FRMD5: variants seen among roughly 807,000 people sequenced by gnomAD.
The protein encoded by FRMD5 is FERM domain-containing protein 5.
Under a neutral mutation model 69.0 loss-of-function variants are expected in FRMD5, and 20 were observed. That is an observed-to-expected ratio of 0.29 (90% CI 0.20 to 0.42). The LOEUF is 0.42. Ranked by LOEUF, FRMD5 falls within the 10% of genes least tolerant of loss-of-function variation. The pLI, the probability that FRMD5 is intolerant of heterozygous loss-of-function variation, is 1.00. For synonymous variants in FRMD5, 271 were observed against 260.1 expected, an observed-to-expected ratio of 1.04 and a Z score of -0.40; for missense variants, 595 against 708.6, an observed-to-expected ratio of 0.84 and a Z score of 1.82.
At chr15:44,003,093 G>A (rs1890284135) in intron 1 of FRMD5, among the ~76,000 whole-genome samples, 1 of 152,150 alleles carries the variant, frequency 6.6e-6, no homozygotes, top group Non-Finnish European at 1.5e-5. Flanking sequence ...CATCCTTCTA[G>A]TTGCTCAGAT....
rs372927504 is a variant in FRMD5, at chr15:44,109,254, A to G, written c.102+85699T>C. ...TTCTTTTCATCCAGCTTTTTCTTAT[A>G]TATCTTGATCTCTCCTTTCTTTTAC... is the stretch of plus-strand genomic sequence containing the variant. On this transcript the variant is annotated intron_variant, in intron 1 of 13. Coordinates refer to ENST00000417257, the MANE Select transcript of FRMD5 (RefSeq NM_032892.5). 5.4e-4 allele frequency among the ~76,000 whole-genome samples: 82 copies of G among 152,104 alleles called. 1 individual carries two copies. Among genetic ancestry groups the G allele is most frequent in the East Asian group, 4.8e-3 (25 of 5,178 alleles).
intron 1 of FRMD5, among the ~76,000 whole-genome samples, chr15:43,927,023 T>TG (rs1394475720): frequency 2.0e-5 from 3 of 151,688 alleles, no homozygotes; most frequent in Admixed American, 2.0e-4. Context: ...AGAATTTTCT[T>TG]GAATATTCCA....
At chr15:44,115,978 T>C (rs1252392902) in intron 1 of FRMD5, among the ~76,000 whole-genome samples, 1 of 152,148 alleles carries the variant, frequency 6.6e-6, no homozygotes, top group Non-Finnish European at 1.5e-5. Context: ...TCAAAGCAAC[T>C]AATGTGAGCA....
intron 1 of FRMD5, among the ~76,000 whole-genome samples, chr15:43,982,531 G>A (rs965144254): frequency 3.3e-5 from 5 of 152,164 alleles, no homozygotes; most frequent in African/African-American, 1.2e-4. Context: ...AGTAGAGTTA[G>A]CTTATCCTTT....
At chr15:43,883,337 A>T (rs539834290) in intron 13 of FRMD5, among the ~76,000 whole-genome samples, 2 of 152,126 alleles carry the variant, frequency 1.3e-5, no homozygotes, top group African/African-American at 4.8e-5. Flanking sequence ...ACCTCAAGTG[A>T]TCCACCCATC....
intron 1 of FRMD5, among the ~76,000 whole-genome samples, chr15:44,097,908 T>G (rs1312498032): frequency 6.6e-6 from 1 of 152,084 alleles, no homozygotes; most frequent in Non-Finnish European, 1.5e-5. Context: ...ACTCAGCAAG[T>G]CTTTGTGCTC....
At chr15:44,032,902 T>C (rs1213792835) in intron 1 of FRMD5, among the ~76,000 whole-genome samples, 2 of 152,138 alleles carry the variant, frequency 1.3e-5, no homozygotes, top group Admixed American at 6.6e-5. Context: ...TAAAGACACA[T>C]GCATGTGGAT....
intron 1 of FRMD5, among the ~76,000 whole-genome samples, chr15:44,162,668 G>A (rs1320562445): frequency 1.3e-5 from 2 of 149,048 alleles, no homozygotes; most frequent in Non-Finnish European, 3.0e-5. Context: ...AGGAGTTTGA[G>A]ACCAGCCTGA....
At chr15:44,176,452 C>T (rs1041725854) in intron 1 of FRMD5, among the ~76,000 whole-genome samples, 3 of 152,038 alleles carry the variant, frequency 2.0e-5, no homozygotes, top group Non-Finnish European at 4.4e-5. Context: ...AGGTATAAAC[C>T]TTCTTGACAT....
intron 1 of FRMD5, among the ~76,000 whole-genome samples, chr15:44,030,678 C>T (rs1891640150): frequency 6.6e-6 from 1 of 151,998 alleles, no homozygotes; most frequent in Non-Finnish European, 1.5e-5. Context: ...CTCAGTGATA[C>T]CATGGATCCC....
intron 1 of FRMD5, among the ~76,000 whole-genome samples, chr15:43,945,487 T>C (rs1226138550): frequency 6.6e-6 from 1 of 152,146 alleles, no homozygotes; most frequent in African/African-American, 2.4e-5. Context: ...TTTTTTAAAA[T>C]ATGAAATTAC....
chr15:44,059,280 A>G (rs1892995444), intron 1 of FRMD5, among the ~76,000 whole-genome samples: 1 of 152,196 alleles, frequency 6.6e-6, no homozygotes, highest in Non-Finnish European at 1.5e-5. Context: ...CTCGATTTCA[A>G]AGAGCCTTTA....
At chr15:43,960,249 C>T (rs1235447068) in intron 1 of FRMD5, among the ~76,000 whole-genome samples, 1 of 150,702 alleles carries the variant, frequency 6.6e-6, no homozygotes, top group Non-Finnish European at 1.5e-5. Context: ...CCACCACACC[C>T]GGCTAATTTA....
chr15:43,932,427 T>C (rs1353300643), intron 1 of FRMD5, among the ~76,000 whole-genome samples: 5 of 152,100 alleles, frequency 3.3e-5, no homozygotes, highest in Non-Finnish European at 1.5e-5. Flanking sequence ...ATTTCAAATA[T>C]ATGTAATCAA....
intron 1 of FRMD5, among the ~76,000 whole-genome samples, chr15:44,168,271 C>T (rs1176834014): frequency 2.0e-5 from 3 of 152,168 alleles, no homozygotes; most frequent in Non-Finnish European, 4.4e-5. Context: ...ACTTCCCAAG[C>T]AAGAGGGAAT....
chr15:43,884,027 T>C (rs911587583), intron 12 of FRMD5, among the ~76,000 whole-genome samples: 3 of 152,170 alleles, frequency 2.0e-5, no homozygotes, highest in African/African-American at 7.2e-5. Context: ...CCTAGACTCA[T>C]CTGAACCTTT....
intron 1 of FRMD5, among the ~76,000 whole-genome samples, chr15:43,952,133 T>C (rs1189730107): frequency 6.6e-6 from 1 of 151,898 alleles, no homozygotes; most frequent in Non-Finnish European, 1.5e-5. Flanking sequence ...CAAACAACGA[T>C]CTGCTCAGCA....
intron 1 of FRMD5, among the ~76,000 whole-genome samples, chr15:44,087,603 G>A (rs1595707879): frequency 6.6e-6 from 1 of 152,102 alleles, no homozygotes; most frequent in African/African-American, 2.4e-5. Flanking sequence ...CCTGAAACAT[G>A]AGAATAATAA....
At chr15:44,073,670 T>C (rs766295728) in intron 1 of FRMD5, among the ~76,000 whole-genome samples, 20 of 152,140 alleles carry the variant, frequency 1.3e-4, no homozygotes, top group Non-Finnish European at 2.8e-4. Context: ...GGTCACTCTC[T>C]AATGGATGCC....
Sources: allele counts gnomAD v4.1 joint callset (sites outside exome capture counted in the v4.1 genomes callset), GRCh38; gene constraint gnomAD v4.1.1; transcripts MANE v1.5; gene names NCBI Gene and HGNC (gene_info 2026-07-23, HGNC 2026-07-21).